The following ASIC2 variants were observed in gnomAD, a reference collection of about 807,000 sequenced individuals.
The protein encoded by ASIC2 is acid-sensing ion channel 2.
ASIC2 carries 25 observed loss-of-function variants against 57.3 expected under a neutral mutation model. That is an observed-to-expected ratio of 0.44 (90% CI 0.32 to 0.61). The LOEUF is 0.61. ASIC2 is among the 20% of genes least tolerant of loss of function. The pLI, the probability that ASIC2 is intolerant of heterozygous loss-of-function variation, is 0.06. For synonymous variants in ASIC2, 319 were observed against 307.5 expected (o/e 1.04, Z -0.39); for missense variants, 641 against 738.1 (o/e 0.87, Z 1.52).
chr17:34,015,147 G>C (rs12051564), intron 1 of ASIC2, among the ~76,000 whole-genome samples: 1 of 148,300 alleles, frequency 6.7e-6, no homozygotes, highest in Non-Finnish European at 1.5e-5. Flanking sequence ...GGGCTCAAGA[G>C]ATCTATCTGC....
intron 1 of ASIC2, among the ~76,000 whole-genome samples, chr17:33,211,773 T>C (rs73982461): frequency 0.02 from 3,065 of 152,278 alleles, 112 homozygotes; most frequent in African/African-American, 0.067. Context: ...GTTTGCACAA[T>C]TGGCTCTTGC....
At chr17:33,903,417 T>C (rs182158938) in intron 1 of ASIC2, among the ~76,000 whole-genome samples, 15 of 152,368 alleles carry the variant, frequency 9.8e-5, no homozygotes, top group Admixed American at 9.8e-4. Flanking sequence ...CTATGAAATG[T>C]TATTAGGTGT....
intron 1 of ASIC2, among the ~76,000 whole-genome samples, chr17:33,592,040 C>A (rs1467924619): frequency 6.6e-6 from 1 of 152,196 alleles, no homozygotes; most frequent in Non-Finnish European, 1.5e-5. Flanking sequence ...CATTCTCTGG[C>A]TCCTGTACAG....
intron 3 of ASIC2, among the ~76,000 whole-genome samples, chr17:33,033,187 C>T (rs2141908932): frequency 6.6e-6 from 1 of 152,296 alleles, no homozygotes; most frequent in South Asian, 2.1e-4. Context: ...GAACCCTGAC[C>T]CTTCTGAGTT....
intron 1 of ASIC2, among the ~76,000 whole-genome samples, chr17:33,717,114 A>C (rs1056294344): frequency 4.6e-5 from 7 of 152,218 alleles, no homozygotes; most frequent in Admixed American, 1.3e-4. Flanking sequence ...TGATGATTTA[A>C]AGTGAGACTT....
intron 1 of ASIC2, among the ~76,000 whole-genome samples, chr17:33,754,024 C>G (rs2951670): frequency 1.3e-5 from 2 of 151,906 alleles, no homozygotes; most frequent in Non-Finnish European, 2.9e-5. Flanking sequence ...TTTCTATGCA[C>G]CTAAAACTGC....
chr17:33,364,524 C>T (rs1223844668), intron 1 of ASIC2, among the ~76,000 whole-genome samples: 1 of 152,132 alleles, frequency 6.6e-6, no homozygotes, highest in Non-Finnish European at 1.5e-5. Context: ...TTCCCCCTTG[C>T]TGTTCTCGTG....
intron 1 of ASIC2, among the ~76,000 whole-genome samples, chr17:33,814,905 A>G (rs1186494368): frequency 6.6e-6 from 1 of 152,144 alleles, no homozygotes; most frequent in African/African-American, 2.4e-5. Flanking sequence ...GTGGCTCCCA[A>G]TGTCTAGTAT....
At chr17:34,081,667 T>G (rs1223271743) in intron 1 of ASIC2, among the ~76,000 whole-genome samples, 2 of 152,198 alleles carry the variant, frequency 1.3e-5, no homozygotes, top group Non-Finnish European at 2.9e-5. Flanking sequence ...GCACAGAATT[T>G]CACAAATTAT....
At chr17:33,216,285 A>T (rs1332224562) in intron 1 of ASIC2, among the ~76,000 whole-genome samples, 1 of 152,210 alleles carries the variant, frequency 6.6e-6, no homozygotes, top group African/African-American at 2.4e-5. Context: ...CTCTAACGTC[A>T]TCTAGAGAGT....
chr17:34,120,550 A>G (rs1371914095), intron 1 of ASIC2, among the ~76,000 whole-genome samples: 1 of 151,636 alleles, frequency 6.6e-6, no homozygotes, highest in Non-Finnish European at 1.5e-5. Flanking sequence ...GAAGAGGATC[A>G]ATTGTTATGG....
intron 1 of ASIC2, among the ~76,000 whole-genome samples, chr17:33,392,258 C>T (rs1406574684): frequency 2.8e-5 from 4 of 143,606 alleles, no homozygotes; most frequent in Admixed American, 2.1e-4. Flanking sequence ...CTTTCTCTGT[C>T]TCTCTTTCTT....
At chr17:33,672,459 A>G (rs1907669152) in intron 1 of ASIC2, among the ~76,000 whole-genome samples, 1 of 152,090 alleles carries the variant, frequency 6.6e-6, no homozygotes, top group South Asian at 2.1e-4. Context: ...TTAAAAAAAA[A>G]TACATCACCC....
chr17:34,067,439 T>A (rs1909213177), intron 1 of ASIC2, among the ~76,000 whole-genome samples: 1 of 152,208 alleles, frequency 6.6e-6, no homozygotes, highest in African/African-American at 2.4e-5. Flanking sequence ...TCAGTAATAC[T>A]GATCCAGTAA....
chr17:33,714,646 G>T (rs1488502553), intron 1 of ASIC2, among the ~76,000 whole-genome samples: 1 of 152,074 alleles, frequency 6.6e-6, no homozygotes, highest in Non-Finnish European at 1.5e-5. Flanking sequence ...GATCTCGATT[G>T]CCTTTAGGCT....
chr17:33,606,180 T>G (rs992027426), intron 1 of ASIC2, among the ~76,000 whole-genome samples: 4 of 152,114 alleles, frequency 2.6e-5, no homozygotes, highest in South Asian at 2.1e-4. Flanking sequence ...GGGGCCAGCT[T>G]GGAAGCAGAG....
chr17:33,743,453 C>T (rs1910168978), intron 1 of ASIC2, among the ~76,000 whole-genome samples: 1 of 152,202 alleles, frequency 6.6e-6, no homozygotes, highest in Non-Finnish European at 1.5e-5. Flanking sequence ...TATGTGTCAA[C>T]TTGGATGGGC....
rs568186368 is a variant in ASIC2 at position 33,518,943 on chromosome 17, C to T, written c.556-406876G>A. On this transcript the variant is annotated intron_variant, in intron 1 of 9. Transcript: ENST00000359872. ...TCACGCCATTCTCCTGCCTCAGCCT[C>T]CCGAGTAGCTGGGACTACAGGCGCC... is the stretch of plus-strand genomic sequence containing the variant. 8.6e-3 allele frequency among the ~76,000 whole-genome samples: 1,309 copies of T among 152,060 alleles called. 9 individuals are homozygous for T. The highest frequency in any genetic ancestry group is 0.013 in the Non-Finnish European group (886 of 67,982).
At position 33,587,889 on chromosome 17, in the gene ASIC2, C is replaced by T. The variant is rs538694621; in HGVS notation, c.556-475822G>A. On this transcript the variant is annotated intron_variant, in intron 1 of 9. Coordinates refer to the ASIC2 transcript ENST00000359872. ...CCCTCTTCACCATTTTCCTCCCACT[C>T]GCTCCCAGCCTTGACCATGTAACAT... 2.6e-3 allele frequency among the ~76,000 whole-genome samples: 400 copies of T among 152,264 alleles called. 4 individuals carry two copies. The highest frequency in any genetic ancestry group is 8.7e-3 in the African/African-American group (362 of 41,552).
Sources: gnomAD v4.1 joint callset for allele counts (sites outside exome capture counted in the v4.1 genomes callset) on GRCh38, gnomAD v4.1.1 for gene constraint, MANE v1.5 for transcripts, NCBI Gene and HGNC (gene_info 2026-07-23, HGNC 2026-07-21) for gene names.